Variants in IMPG2 observed in about 807,000 individuals in gnomAD.
IMPG2 encodes the protein interphotoreceptor matrix proteoglycan 2, also known as IPM 200.
Under a neutral mutation model 129.2 loss-of-function variants are expected in IMPG2, and 91 were observed. The ratio of observed to expected loss-of-function variants is 0.70; its 90% CI spans 0.59 to 0.84. The LOEUF (loss-of-function observed/expected upper bound fraction) is 0.84, where lower values mean the gene tolerates loss of function less well. IMPG2 is among the 40% of genes least tolerant of loss of function. The pLI is 0.00. For synonymous variants in IMPG2, 510 were observed against 517.7 expected (o/e 0.99, Z 0.20); for missense variants, 1,430 against 1,461.7 (o/e 0.98, Z 0.35).
At chr3:101,318,489 T>C (rs1002720578) in intron 2 of IMPG2, among the ~76,000 whole-genome samples, 1 of 152,098 alleles carries the variant, frequency 6.6e-6, no homozygotes, top group African/African-American at 2.4e-5. Flanking sequence ...TATAAATATG[T>C]GTAATAGCTG....
At chr3:101,228,517 T>A (rs970057567) in intron 18 of IMPG2, among the ~76,000 whole-genome samples, 3 of 152,256 alleles carry the variant, frequency 2.0e-5, no homozygotes, top group African/African-American at 7.2e-5. Flanking sequence ...TTAAATCTTC[T>A]CTGCCACTGG....
chr3:101,271,350 A>G (rs1217304508), intron 7 of IMPG2, among the ~76,000 whole-genome samples: 1 of 152,168 alleles, frequency 6.6e-6, no homozygotes, highest in Non-Finnish European at 1.5e-5. Context: ...TACTAAACCC[A>G]TCTTAGTGTA....
At chr3:101,317,906 A>G (rs1484797909) in intron 2 of IMPG2, among the ~76,000 whole-genome samples, 1 of 152,004 alleles carries the variant, frequency 6.6e-6, no homozygotes, top group Non-Finnish European at 1.5e-5. Flanking sequence ...CAAAATACCA[A>G]GATATTCTTA....
chr3:101,256,145 A>AAAAGAAAGAAAGAAAGAAAGAAAGAAAG (rs57933330), intron 10 of IMPG2, among the ~76,000 whole-genome samples: 1 of 77,538 alleles, frequency 1.3e-5, no homozygotes, highest in Non-Finnish European at 2.5e-5. Context: ...AGAAAGAAAG[A>AAAAGAAAGAAAGAAAGAAAGAAAGAAAG]AAAGAAAGAA....
chr3:101,312,575 A>T (rs1707279394), intron 2 of IMPG2, among the ~76,000 whole-genome samples: 1 of 152,134 alleles, frequency 6.6e-6, no homozygotes, highest in African/African-American at 2.4e-5. Context: ...CTGGTGGGAT[A>T]TAACACAGTA....
intron 11 of IMPG2, among the ~76,000 whole-genome samples, chr3:101,249,192 TC>T (rs1706517576): frequency 6.6e-6 from 1 of 152,176 alleles, no homozygotes; most frequent in South Asian, 2.1e-4. Context: ...ACCTCAACAT[TC>T]TTTTTTTGCT....
chr3:101,261,557 T>C (rs1249412909), intron 9 of IMPG2, among the ~76,000 whole-genome samples: 1 of 152,218 alleles, frequency 6.6e-6, no homozygotes, highest in Non-Finnish European at 1.5e-5. Context: ...ATAATACTTC[T>C]ATTATAATCT....
chr3:101,299,576 TG>T (rs1288173178), intron 3 of IMPG2, among the ~76,000 whole-genome samples: 1 of 151,872 alleles, frequency 6.6e-6, no homozygotes, highest in African/African-American at 2.4e-5. Flanking sequence ...ATTGAGTTTT[TG>T]TAGGGAATTT....
intron 10 of IMPG2, among the ~76,000 whole-genome samples, chr3:101,257,012 T>G (rs1170944212): frequency 6.6e-6 from 1 of 152,048 alleles, no homozygotes; most frequent in African/African-American, 2.4e-5. Flanking sequence ...TCATTATGGA[T>G]CATAACAGGA....
intron 6 of IMPG2, among the ~76,000 whole-genome samples, 183 bp from the exon 7 acceptor site, chr3:101,273,925 A>T (rs1706814321): frequency 6.6e-6 from 1 of 152,106 alleles, no homozygotes; most frequent in Non-Finnish European, 1.5e-5. Flanking sequence ...CAGCCAGGAG[A>T]AGTGGCTCAC....
chr3:101,229,229 T>TA (rs1706256014), intron 17 of IMPG2, 151 bp downstream of exon 17: 2 of 718,668 alleles, frequency 2.8e-6, no homozygotes, highest in Middle Eastern at 3.7e-4. Flanking sequence ...AGATACGAGG[T>TA]AAAAACCAAT....
At chr3:101,242,995 T>TAAG (rs771012061) in intron 13 of IMPG2, 88 bp from the exon 14 acceptor site, 1 of 1,017,926 alleles carries the variant, frequency 9.8e-7, no homozygotes. Flanking sequence ...AAAACACAGG[T>TAAG]AAGACCCTGC....
chr3:101,241,224 G>A lies in IMPG2; in HGVS notation c.3022+1464C>T, dbSNP rs540254422. Reference sequence around the variant, plus strand: ...TAACTCTCTAGGGGAAAAGAACATTGTACTGGTAATATAAAAACTGACAGG... The same window carrying A: ...TAACTCTCTAGGGGAAAAGAACATTATACTGGTAATATAAAAACTGACAGG... On this transcript the variant is annotated intron_variant, in intron 14 of 18. Transcript: ENST00000193391. Among the ~76,000 whole-genome samples the A allele has an allele frequency of 2.6e-5, 4 of 152,266 alleles. 1 individual carries two copies. The highest frequency in any genetic ancestry group is 2.6e-4 in the Admixed American group (4 of 15,282).
At chr3:101,228,347 T>C (rs1331094203) in intron 18 of IMPG2, among the ~76,000 whole-genome samples, 3 of 152,246 alleles carry the variant, frequency 2.0e-5, no homozygotes, top group Non-Finnish European at 4.4e-5. Context: ...TGAGGACTTA[T>C]GGCTACTCAA....
intron 2 of IMPG2, among the ~76,000 whole-genome samples, chr3:101,312,005 T>G (rs549238280): frequency 6.8e-6 from 1 of 147,990 alleles, no homozygotes; most frequent in Non-Finnish European, 1.5e-5. Flanking sequence ...ACTAATAAAT[T>G]TAGATCCTTA....
chr3:101,293,944 A>G (rs1041254231), intron 3 of IMPG2, among the ~76,000 whole-genome samples: 12 of 152,204 alleles, frequency 7.9e-5, no homozygotes, highest in African/African-American at 2.4e-5. Flanking sequence ...GGCTTTGGTT[A>G]AGGGAATGTT....
intron 10 of IMPG2, among the ~76,000 whole-genome samples, chr3:101,256,302 T>C (rs1706608485): frequency 6.6e-6 from 1 of 151,730 alleles, no homozygotes; most frequent in Non-Finnish European, 1.5e-5. Context: ...CCTTTCTCAC[T>C]TTCTCTGTCT....
At chr3:101,264,236 C>G (rs190152030) in intron 9 of IMPG2, among the ~76,000 whole-genome samples, 1 of 151,784 alleles carries the variant, frequency 6.6e-6, no homozygotes, top group African/African-American at 2.4e-5. Context: ...AAACAAGACA[C>G]GTACCTGACA....
intron 11 of IMPG2, among the ~76,000 whole-genome samples, chr3:101,247,955 C>T (rs1706500010): frequency 6.6e-6 from 1 of 152,182 alleles, no homozygotes; most frequent in Non-Finnish European, 1.5e-5. Flanking sequence ...CCTCCCCCTC[C>T]TCCAGGAGAC....
Sources: gnomAD v4.1 joint callset for allele counts (sites outside exome capture counted in the v4.1 genomes callset) on GRCh38, gnomAD v4.1.1 for gene constraint, MANE v1.5 for transcripts, NCBI Gene and HGNC (gene_info 2026-07-23, HGNC 2026-07-21) for gene names.